The following TMEM156 variants were observed in gnomAD, a reference collection of about 807,000 sequenced individuals.
The protein encoded by TMEM156 is transmembrane protein 156.
TMEM156 carries 28 observed loss-of-function variants against 30.5 expected under a neutral mutation model. That is an observed-to-expected ratio of 0.92 (90% CI 0.68 to 1.26). The LOEUF (loss-of-function observed/expected upper bound fraction) is 1.26, where lower values mean the gene tolerates loss of function less well. Ranked by LOEUF, TMEM156 falls within the 50% of genes most tolerant of loss-of-function variation. The pLI is 0.00. For synonymous variants in TMEM156, 137 were observed against 119.9 expected (o/e 1.14, Z -0.93); for missense variants, 351 against 340.6 (o/e 1.03, Z -0.24).
intron 1 of TMEM156, among the ~76,000 whole-genome samples, chr4:39,016,730 A>T (rs1311908056): frequency 6.6e-6 from 1 of 152,142 alleles, no homozygotes; most frequent in Non-Finnish European, 1.5e-5. Flanking sequence ...ATCTAATTTA[A>T]TTTCATTTAG....
At chr4:39,019,393 C>T (rs182395001) in intron 1 of TMEM156, among the ~76,000 whole-genome samples, 111 of 152,192 alleles carry the variant, frequency 7.3e-4, no homozygotes, top group African/African-American at 2.3e-3. Flanking sequence ...TTAGAACTTC[C>T]AGTTGGTTCT....
At chr4:39,017,076 C>G (rs1330278893) in intron 1 of TMEM156, among the ~76,000 whole-genome samples, 1 of 152,102 alleles carries the variant, frequency 6.6e-6, no homozygotes, top group Non-Finnish European at 1.5e-5. Context: ...TCAATTACCT[C>G]CACCTGGTCC....
intron 1 of TMEM156, among the ~76,000 whole-genome samples, chr4:39,003,280 C>T (rs1345470259): frequency 6.6e-6 from 1 of 151,752 alleles, no homozygotes; most frequent in Non-Finnish European, 1.5e-5. Context: ...ATTTAATTTC[C>T]AGCTATACAA....
At chr4:38,968,078 C>G (rs142801120) in intron 6 of TMEM156, among the ~76,000 whole-genome samples, 1 of 152,298 alleles carries the variant, frequency 6.6e-6, no homozygotes, top group Non-Finnish European at 1.5e-5. Flanking sequence ...TTCTGTGTTA[C>G]GCCATGACAC....
At chr4:39,030,954 G>A (rs772230138) in intron 1 of TMEM156, among the ~76,000 whole-genome samples, 2 of 152,184 alleles carry the variant, frequency 1.3e-5, no homozygotes, top group South Asian at 4.1e-4. Context: ...TAGTCATAGT[G>A]TTTATTTAGC....
chr4:39,032,179 T>C, intron 1 of TMEM156, 47 bp downstream of exon 1: 1 of 1,262,000 alleles, frequency 7.9e-7, no homozygotes, highest in East Asian at 2.5e-5. Flanking sequence ...CTGACACTAA[T>C]TTTTTTAAAT....
Position 38,993,960 on chromosome 4 carries a change from C to G in TMEM156, c.397G>C (p.Asp133His). ...RRGSMEVKAN[D>H]FHSPCQHFNF... is the part of the protein sequence containing the mutation. ...AAGTGCTGACAAGGTGAATGAAAAT[C>G]ATTTGCTTTCACTTCCATTGATCCT... Residue 133 changes from aspartate to histidine, a missense_variant, in exon 3 of 7, where the codon GAT (aspartate) becomes CAT (histidine). By Grantham distance (81) the Asp-to-His change is moderately conservative (BLOSUM62 -1). Transcript: ENST00000381938. 1.2e-6 allele frequency: 2 copies of G among 1,613,918 alleles called. No homozygotes were observed. Among genetic ancestry groups the G allele is most frequent in the Non-Finnish European group, 8.5e-7 (1 of 1,179,840 alleles).
At chr4:39,021,692 A>G (rs539796823) in intron 1 of TMEM156, among the ~76,000 whole-genome samples, 1 of 152,306 alleles carries the variant, frequency 6.6e-6, no homozygotes, top group Admixed American at 6.5e-5. Context: ...TTTATGGGTC[A>G]TAACCAAAAA....
chr4:38,984,349 C>CTG lies in TMEM156; in HGVS notation c.823+1985_823+1986dup, dbSNP rs34823853. On this transcript the variant is annotated intron_variant, in intron 5 of 6. Coordinates refer to ENST00000381938, the MANE Select transcript of TMEM156 (RefSeq NM_024943.3). ...TTTCTCTCTGTCTCTCTCTCTCTCT[C>CTG]TGTGTGTGTGTGTGTGTGTGTGTGT... Among the ~76,000 whole-genome samples the CTG allele has an allele frequency of 9.7e-3, 1,276 of 131,086 alleles. 23 individuals are homozygous for CTG. The highest frequency in any genetic ancestry group is 0.07 in the East Asian group (291 of 4,136). The allele number at this position is 131,086 out of a possible 152,430, so 86.0% of individuals were successfully genotyped here.
chr4:39,020,547 T>C (rs1311875735), intron 1 of TMEM156, among the ~76,000 whole-genome samples: 1 of 152,034 alleles, frequency 6.6e-6, no homozygotes, highest in African/African-American at 2.4e-5. Flanking sequence ...GTAGTTCTTA[T>C]TTTGAATTTT....
At chr4:39,018,717 C>A (rs961869471) in intron 1 of TMEM156, among the ~76,000 whole-genome samples, 2 of 152,048 alleles carry the variant, frequency 1.3e-5, no homozygotes, top group African/African-American at 4.8e-5. Context: ...TGCATTTATC[C>A]CTGGTTATTT....
intron 1 of TMEM156, among the ~76,000 whole-genome samples, chr4:39,007,706 C>T (rs914014701): frequency 1.3e-5 from 2 of 152,108 alleles, no homozygotes; most frequent in African/African-American, 2.4e-5. Context: ...ATCTGCCTGC[C>T]TCGGCCTCCC....
At chr4:38,982,555 C>G (rs1249900160) in intron 5 of TMEM156, among the ~76,000 whole-genome samples, 1 of 152,160 alleles carries the variant, frequency 6.6e-6, no homozygotes, top group Non-Finnish European at 1.5e-5. Context: ...CTCATCCGCT[C>G]TTTTTACTCT....
rs1396270264 is a variant in TMEM156 at position 38,970,132 on chromosome 4, C to CTG, written c.*38+898_*38+899dup. Among the ~76,000 whole-genome samples the CTG allele has an allele frequency of 6.8e-5, 10 of 146,624 alleles. No individual in the cohort carries two copies. The East Asian group carries it at 1.4e-3, about 21-fold the overall frequency. On this transcript the variant is annotated intron_variant, in intron 6 of 6. Coordinates refer to ENST00000381938, the MANE Select transcript of TMEM156 (RefSeq NM_024943.3). Reference sequence around the variant, plus strand: ...CCTGTAGGACAGCCCTCCTCACACACTGTGTGTGTGTGTTTGTGTGTGTGT... The same window carrying CTG: ...CCTGTAGGACAGCCCTCCTCACACACTGTGTGTGTGTGTGTTTGTGTGTGTGT...
At chr4:38,989,543 TAA>T (rs1373742020) in intron 3 of TMEM156, among the ~76,000 whole-genome samples, 1 of 152,228 alleles carries the variant, frequency 6.6e-6, no homozygotes, top group African/African-American at 2.4e-5. Context: ...GTGCATGCAC[TAA>T]TTAAACGTAG....
chr4:39,032,263 G>A lies in TMEM156; in HGVS notation c.51C>T (p.Phe17=). The A allele has an allele frequency of 6.2e-7, 1 of 1,610,106 alleles. No individual in the cohort carries two copies. Among genetic ancestry groups the A allele is most frequent in the Non-Finnish European group, 8.5e-7 (1 of 1,177,658 alleles). ...LKLFVAIVIT[F]ILILPEYFKT... ...TGAAATATTCCGGCAAAATTAAAAT[G>A]AATGTGATCACTATTGCCACAAATA... The change falls in exon 1 of 7, where the codon TTC becomes TTT. Residue 17 remains phenylalanine (F), a synonymous_variant. Transcript: ENST00000381938.
chr4:39,023,363 AC>A (rs1467636290), intron 1 of TMEM156, among the ~76,000 whole-genome samples: 2 of 152,224 alleles, frequency 1.3e-5, no homozygotes, highest in Non-Finnish European at 2.9e-5. Context: ...AAAAACATAT[AC>A]TGACACAAAC....
intron 1 of TMEM156, among the ~76,000 whole-genome samples, chr4:39,005,762 TTGA>T (rs1713687775): frequency 6.6e-6 from 1 of 152,178 alleles, no homozygotes; most frequent in Middle Eastern, 3.2e-3. Flanking sequence ...ACTCTGAAAA[TTGA>T]TGAACATGTC....
In TMEM156 at chr4:38,986,365, A is replaced by C. The variant is rs750972915; in HGVS notation, c.794T>G (p.Leu265Arg). 5.1e-5 allele frequency: 83 copies of C among 1,613,792 alleles called. No homozygotes were observed. Among genetic ancestry groups the C allele is most frequent in the Non-Finnish European group, 7.0e-5 (82 of 1,179,848 alleles). Residue 265 changes from leucine to arginine, a missense_variant, in exon 5 of 7, where the codon CTG becomes CGG. Coordinates refer to ENST00000381938, the MANE Select transcript of TMEM156 (RefSeq NM_024943.3). ...AAGAACCTGCACATTCAATGCTCTC[A>C]GTTTCTCCGAATCACTTCCTCTTAA... is the stretch of plus-strand genomic sequence containing the variant. ...VLLRGSDSEK[L>R]RALNVQVLSA... is the part of the protein sequence containing the mutation.
Sources: allele counts gnomAD v4.1 joint callset (sites outside exome capture counted in the v4.1 genomes callset), GRCh38; gene constraint gnomAD v4.1.1; transcripts MANE v1.5; gene names NCBI Gene and HGNC (gene_info 2026-07-23, HGNC 2026-07-21).